The following TBC1D30 variants were observed in gnomAD, a reference collection of about 807,000 sequenced individuals.
TBC1D30 encodes TBC1 domain family, member 30.
Under a neutral mutation model 63.2 loss-of-function variants are expected in TBC1D30, and 31 were observed. The observed-to-expected ratio is 0.49, with a 90% CI of 0.37 to 0.66. The LOEUF is 0.66. Ranked by LOEUF, TBC1D30 falls within the 30% of genes least tolerant of loss-of-function variation. The probability of loss-of-function intolerance (pLI) is 0.00; values close to 1 mark genes in which losing one functional copy is unlikely to be tolerated. For missense variants in TBC1D30, 810 were observed against 953.6 expected (o/e 0.85, Z 1.98); for synonymous variants, 307 against 361.5 (o/e 0.85, Z 1.71).
At chr12:64,766,158 A>G (rs181318145) in intron 1 of TBC1D30, among the ~76,000 whole-genome samples, 451 of 152,308 alleles carry the variant, frequency 3.0e-3, no homozygotes, top group African/African-American at 0.01. Flanking sequence ...AAAATAAAGC[A>G]AAGAGAGAAA....
intron 8 of TBC1D30, among the ~76,000 whole-genome samples, chr12:64,853,630 G>A (rs1032450532): frequency 6.6e-6 from 1 of 152,302 alleles, no homozygotes; most frequent in East Asian, 1.9e-4. Flanking sequence ...GTAGGCACCC[G>A]AGGGAATCTC....
chr12:64,788,793 T>C (rs1871747114), intron 2 of TBC1D30, among the ~76,000 whole-genome samples: 1 of 152,208 alleles, frequency 6.6e-6, no homozygotes, highest in African/African-American at 2.4e-5. Context: ...TAAGACCCTA[T>C]TCAATGGAAC....
At chr12:64,809,184 T>C (rs919364785) in intron 2 of TBC1D30, among the ~76,000 whole-genome samples, 1 of 152,238 alleles carries the variant, frequency 6.6e-6, no homozygotes, top group African/African-American at 2.4e-5. Flanking sequence ...TTTTGAGATT[T>C]TGATGTACCG....
intron 1 of TBC1D30, among the ~76,000 whole-genome samples, chr12:64,785,131 A>G (rs1003136400): frequency 6.7e-6 from 1 of 149,302 alleles, no homozygotes; most frequent in South Asian, 2.1e-4. Context: ...GTAAACATAG[A>G]TGAGTACTTT....
chr12:64,824,778 G>C lies in TBC1D30; in HGVS notation c.-102G>C. On this transcript the variant is annotated 5_prime_UTR_variant, in exon 1 of 12. Transcript: ENST00000539867. Reference sequence around the variant, plus strand: ...GCTCCCTGCTCCCACGGGCCGGTCAGCCGCAGACACTCACCCAGCTCCGCG... The same window carrying C: ...GCTCCCTGCTCCCACGGGCCGGTCACCCGCAGACACTCACCCAGCTCCGCG... 1 of 1,432,616 alleles carries C rather than the reference G, an allele frequency of 7.0e-7. No individual in the cohort carries two copies. The highest frequency in any genetic ancestry group is 9.2e-7 in the Non-Finnish European group (1 of 1,082,620). The allele number at this position is 1,432,616 out of a possible 1,614,324, so 88.7% of individuals were successfully genotyped here. A position where few individuals can be genotyped will look rare whatever the true frequency, so the allele number is the denominator to read the frequency against.
At position 64,832,149 on chromosome 12, in the gene TBC1D30, T is replaced by C. The variant is rs760451592; in HGVS notation, c.439T>C (p.Cys147Arg). The C allele has an allele frequency of 1.3e-6, 2 of 1,536,022 alleles. No homozygotes were observed. Among genetic ancestry groups the C allele is most frequent in the South Asian group, 2.4e-5 (2 of 84,042 alleles). The stretch of plus-strand genomic sequence containing the variant: ...TCACCGCACAGGCTGTAGTTCTTAC[T>C]GTGGCCAGGAGGCTGAGCAGGACAG... ...DLHRTGCSSY[C>R]GQEAEQDRVV... is the part of the protein sequence containing the mutation. Residue 147 changes from cysteine (C) to arginine (R), a missense_variant, in exon 5 of 12, where the codon TGT becomes CGT. By Grantham distance (180) the Cys-to-Arg change is radical. Around this residue, in one of 4 missense-constraint regions of TBC1D30, gnomAD observed 272 missense variants for 335.9 expected, o/e 0.81. Transcript: ENST00000539867.
chr12:64,797,975 C>T (rs2136312049), intron 2 of TBC1D30, among the ~76,000 whole-genome samples: 1 of 152,360 alleles, frequency 6.6e-6, no homozygotes, highest in East Asian at 1.9e-4. Context: ...GTCATCTCTA[C>T]ACCTCTCTTC....
intron 10 of TBC1D30, among the ~76,000 whole-genome samples, chr12:64,869,573 A>G (rs1300356073): frequency 1.3e-4 from 20 of 151,996 alleles, no homozygotes. Flanking sequence ...ATGTATTTTA[A>G]TGGTAAAGTT....
At chr12:64,794,062 C>A (rs886660356) in intron 2 of TBC1D30, among the ~76,000 whole-genome samples, 4 of 152,174 alleles carry the variant, frequency 2.6e-5, no homozygotes, top group Admixed American at 1.3e-4. Flanking sequence ...GCGCTTTGAT[C>A]GACTATTCTA....
chr12:64,824,763 C>G lies in TBC1D30; in HGVS notation c.-117C>G. 1 of 1,374,686 alleles carries G rather than the reference C, an allele frequency of 7.3e-7. No individual in the cohort carries two copies. The highest frequency in any genetic ancestry group is 9.6e-7 in the Non-Finnish European group (1 of 1,038,104). 85.2% of individuals were successfully genotyped at this position (1,374,686 alleles called of 1,614,324 possible). On this transcript the variant is annotated 5_prime_UTR_variant, in exon 1 of 12. Coordinates refer to ENST00000539867, the MANE Select transcript of TBC1D30 (RefSeq NM_015279.2). ...ACCAGCCGGCTGTGCGCTCCCTGCT[C>G]CCACGGGCCGGTCAGCCGCAGACAC...
upstream of TBC1D30, among the ~76,000 whole-genome samples, chr12:64,777,803 A>G (rs1033144096): frequency 6.6e-6 from 1 of 152,266 alleles, no homozygotes; most frequent in South Asian, 2.1e-4. Context: ...TCTGTTGCCC[A>G]GGCCGGAGTG....
At chr12:64,782,309 C>A (rs920184752) in intron 1 of TBC1D30, among the ~76,000 whole-genome samples, 1 of 150,684 alleles carries the variant, frequency 6.6e-6, no homozygotes, top group African/African-American at 2.4e-5. Context: ...AAAAAAAAAA[C>A]CTAGGAAAAG....
In TBC1D30 at chr12:64,878,073, C is replaced by T. The variant is rs1327166331; in HGVS notation, c.*2285C>T. ...CCTGAGAAGGGGATGGATGAGGTAA[C>T]ACACAGTTTGGGATACGTATCTGTT... On this transcript the variant is annotated 3_prime_UTR_variant, in exon 12 of 12. Transcript: ENST00000539867. 1 of 196,586 alleles carries T rather than the reference C, an allele frequency of 5.1e-6. No individual in the cohort carries two copies. Among genetic ancestry groups the T allele is most frequent in the African/African-American group, 2.3e-5 (1 of 43,384 alleles). 12.2% of individuals were successfully genotyped at this position (196,586 alleles called of 1,614,324 possible).
Position 64,876,971 on chromosome 12 carries a change from A to G in TBC1D30, c.*1183A>G, listed in dbSNP as rs749722005. The stretch of plus-strand genomic sequence containing the variant: ...TCGGTATTCCAAGTGACTTAGCCAC[A>G]TTTCCTTCAGTGCAATAGGTGGGTT... On this transcript the variant is annotated 3_prime_UTR_variant, in exon 12 of 12. Coordinates refer to ENST00000539867, the MANE Select transcript of TBC1D30 (RefSeq NM_015279.2). 14 of 454,216 alleles carry G rather than the reference A, an allele frequency of 3.1e-5. No homozygotes were observed. In the East Asian group the frequency reaches 8.4e-4, roughly 27 times the overall value. 28.1% of individuals were successfully genotyped at this position (454,216 alleles called of 1,614,324 possible).
Position 64,880,315 on chromosome 12 carries a change from G to C in TBC1D30, c.*4527G>C, listed in dbSNP as rs1879378347. On this transcript the variant is annotated 3_prime_UTR_variant, in exon 12 of 12. Coordinates refer to ENST00000539867, the MANE Select transcript of TBC1D30 (RefSeq NM_015279.2). ...TCCCTGCTGGCCATCTCCCAATGCT[G>C]AATGTCTGACTCAGTTCAGGCTGCT... 1 of 152,312 alleles carries C rather than the reference G, an allele frequency of 6.6e-6. No individual in the cohort carries two copies. The highest frequency in any genetic ancestry group is 2.1e-4 in the South Asian group (1 of 4,838). The allele number at this position is 152,312 out of a possible 1,614,324, so 9.4% of individuals were successfully genotyped here. A position where few individuals can be genotyped will look rare whatever the true frequency, so the allele number is the denominator to read the frequency against.
chr12:64,851,044 T>C (rs1170542949), intron 8 of TBC1D30, among the ~76,000 whole-genome samples: 1 of 152,220 alleles, frequency 6.6e-6, no homozygotes, highest in Non-Finnish European at 1.5e-5. Flanking sequence ...CTAGATTTTC[T>C]AGTTTATTTG....
At chr12:64,805,422 G>C (rs1302232731) in intron 2 of TBC1D30, among the ~76,000 whole-genome samples, 2 of 152,172 alleles carry the variant, frequency 1.3e-5, no homozygotes, top group African/African-American at 4.8e-5. Flanking sequence ...ACAGTATTGG[G>C]CTGTGGGTTC....
At chr12:64,832,498 A>G (rs949681183) in intron 5 of TBC1D30, among the ~76,000 whole-genome samples, 194 bp downstream of exon 5, 4 of 152,244 alleles carry the variant, frequency 2.6e-5, no homozygotes, top group African/African-American at 7.2e-5. Context: ...CTATGAGGCA[A>G]ATGATTATGT....
intron 5 of TBC1D30, among the ~76,000 whole-genome samples, chr12:64,833,078 A>G (rs1875016108): frequency 6.6e-6 from 1 of 152,192 alleles, no homozygotes; most frequent in African/African-American, 2.4e-5. Flanking sequence ...GGGTCATGTT[A>G]GAACTGCCTC....
Sources: gnomAD v4.1 joint callset for allele counts (sites outside exome capture counted in the v4.1 genomes callset) on GRCh38, gnomAD v4.1.1 for gene constraint, gnomAD v4.1.1 regional missense constraint, MANE v1.5 for transcripts, NCBI Gene and HGNC (gene_info 2026-07-23, HGNC 2026-07-21) for gene names.